The following UGT1A6 variants were observed in gnomAD, a reference collection of about 807,000 sequenced individuals.
UGT1A6 encodes UDP-glucuronosyltransferase 1A6.
In UGT1A6, 32 loss-of-function variants were observed where a neutral mutation model predicts 44.4. The ratio of observed to expected loss-of-function variants is 0.72; its 90% confidence interval spans 0.54 to 0.97. The LOEUF (loss-of-function observed/expected upper bound fraction) is 0.97. UGT1A6 is among the 50% of genes least tolerant of loss of function. The pLI is 0.00. For missense variants in UGT1A6, 685 were observed against 661.9 expected (o/e 1.03, Z -0.38); for synonymous variants, 238 against 248.5 (o/e 0.96, Z 0.40).
rs768704616 is a variant in UGT1A6 at position 233,772,137 on chromosome 2, T to G, written c.1302-125T>G. On this transcript the variant is annotated intron_variant, in intron 4 of 4. Transcript: ENST00000305139. Reference sequence around the variant, plus strand: ...CTAAAAACAACAACAACAACAATAATAGAAACAGGTTTCCTTTCCCAAGTT... The same window carrying G: ...CTAAAAACAACAACAACAACAATAAGAGAAACAGGTTTCCTTTCCCAAGTT... 6.0e-5 allele frequency: 93 copies of G among 1,547,684 alleles called. 1 individual carries two copies. The highest frequency in any genetic ancestry group is 4.6e-4 in the Middle Eastern group (2 of 4,368).
At chr2:233,700,602 C>G (rs2075575052) in intron 1 of UGT1A6, among the ~76,000 whole-genome samples, 1 of 151,936 alleles carries the variant, frequency 6.6e-6, no homozygotes, top group Non-Finnish European at 1.5e-5. Context: ...ACAATTCACT[C>G]TTTTTTTGGG....
At chr2:233,752,054 T>C (rs778755699) in intron 1 of UGT1A6, among the ~76,000 whole-genome samples, 4 of 152,312 alleles carry the variant, frequency 2.6e-5, no homozygotes, top group South Asian at 4.2e-4. Flanking sequence ...GTGTGAATGA[T>C]TTCCCGAGAT....
intron 1 of UGT1A6, among the ~76,000 whole-genome samples, chr2:233,704,300 A>G (rs2075779861): frequency 6.8e-6 from 1 of 146,016 alleles, no homozygotes; most frequent in Non-Finnish European, 1.5e-5. Flanking sequence ...CTAGTGCAAC[A>G]TGTAAAATCC....
intron 1 of UGT1A6, among the ~76,000 whole-genome samples, chr2:233,720,005 C>T (rs2076821394): frequency 6.6e-6 from 1 of 152,174 alleles, no homozygotes; most frequent in South Asian, 2.1e-4. Context: ...ACATTCAGAA[C>T]TGATCCATCC....
In UGT1A6 at chr2:233,769,571, G is replaced by A. The variant is rs1223462167; in HGVS notation, c.1301+1132G>A. On this transcript the variant is annotated intron_variant, in intron 4 of 4. Coordinates refer to ENST00000305139, the MANE Select transcript of UGT1A6 (RefSeq NM_001072.4). This position sits in a 1 kb window ranked among gnomAD's most constrained non-coding sequence, Gnocchi z 4.4. ...AGGAAGACAGATGTGAAGAGCTGGAGCATGTTCAGATGAGAGGAGACGGAA... is the reference window on the plus strand; with the variant it reads ...AGGAAGACAGATGTGAAGAGCTGGAACATGTTCAGATGAGAGGAGACGGAA... 1 of 1,612,768 alleles carries A rather than the reference G, an allele frequency of 6.2e-7. No homozygotes were observed. The highest frequency in any genetic ancestry group is 1.3e-5 in the African/African-American group (1 of 74,922).
intron 1 of UGT1A6, chr2:233,761,233 T>C: frequency 6.2e-7 from 1 of 1,613,114 alleles, no homozygotes; most frequent in Non-Finnish European, 8.5e-7. Context: ...CCCAGATATA[T>C]GCTGAGCAAG....
chr2:233,764,521 T>A (rs2126010678), intron 1 of UGT1A6, among the ~76,000 whole-genome samples: 1 of 152,314 alleles, frequency 6.6e-6, no homozygotes, highest in African/African-American at 2.4e-5. Context: ...GTGAATCACA[T>A]CCTGCTGATT....
At chr2:233,697,673 T>G (rs1297148810) in intron 1 of UGT1A6, among the ~76,000 whole-genome samples, 1 of 152,122 alleles carries the variant, frequency 6.6e-6, no homozygotes. Context: ...GGTTGTTTAT[T>G]CAAAATATTT....
rs28900368 is a variant in UGT1A6 at position 233,741,162 on chromosome 2, T to C, written c.862-25872T>C. ...CATTTATGACAGCACTAATCCAGGA[T>C]ATATCAAAACTGAACTTGTGTTTGC... On this transcript the variant is annotated intron_variant, in intron 1 of 4. Transcript: ENST00000305139. 1.4e-3 allele frequency among the ~76,000 whole-genome samples: 206 copies of C among 152,072 alleles called. 9 individuals are homozygous for C. The highest frequency in any genetic ancestry group is 4.8e-3 in the African/African-American group (198 of 41,316).
chr2:233,729,516 G>A, intron 1 of UGT1A6: 1 of 1,614,186 alleles, frequency 6.2e-7, no homozygotes, highest in Non-Finnish European at 8.5e-7. Flanking sequence ...CTTGTGTGGA[G>A]CTACTACATA....
chr2:233,770,293 A>G (rs1284543381), intron 4 of UGT1A6: 4 of 152,108 alleles, frequency 2.6e-5, no homozygotes, highest in African/African-American at 9.7e-5. Flanking sequence ...GAAGTGGAAA[A>G]TTTTCAAACA....
chr2:233,718,763 A>G (rs2076681520), intron 1 of UGT1A6: 3 of 1,612,572 alleles, frequency 1.9e-6, no homozygotes, highest in Non-Finnish European at 1.7e-6. Flanking sequence ...GGCGAAGGAA[A>G]CAAATGTAGC....
At position 233,701,657 on chromosome 2, in the gene UGT1A6, G is replaced by A. The variant is rs1037742895; in HGVS notation, c.861+7792G>A. On this transcript the variant is annotated intron_variant, in intron 1 of 4. Coordinates refer to ENST00000305139, the MANE Select transcript of UGT1A6 (RefSeq NM_001072.4). ...ATAGCAAACTGTCTCTCAGACCACA[G>A]TGCAATCAAACTAGAACTCAGAATT... Among the ~76,000 whole-genome samples, 7 of 152,304 alleles carry A rather than the reference G, an allele frequency of 4.6e-5. No individual in the cohort carries two copies. The East Asian group carries it at 9.6e-4, about 21-fold the overall frequency.
rs180748838 is a variant in UGT1A6, at chr2:233,756,669, G to A, written c.862-10365G>A. ...AACATGGGATGCAGTGATTATTTCC[G>A]CTAGAACTGCTATATAATGACGATG... On this transcript the variant is annotated intron_variant, in intron 1 of 4. Transcript: ENST00000305139. 6.9e-4 allele frequency among the ~76,000 whole-genome samples: 105 copies of A among 152,198 alleles called. No homozygotes were observed. In the South Asian group the frequency reaches 9.1e-3, roughly 13 times the overall value.
Position 233,748,846 on chromosome 2 carries a change from G to A in UGT1A6, c.862-18188G>A, listed in dbSNP as rs117649476. ...CTAGGGAGGAGATAAAACTGTGAGC[G>A]TATAAGCCCAGTTAAGCTGGGGACG... On this transcript the variant is annotated intron_variant, in intron 1 of 4. Transcript: ENST00000305139. Among the ~76,000 whole-genome samples, 30 of 151,478 alleles carry A rather than the reference G, an allele frequency of 2.0e-4. 1 individual carries two copies. The East Asian group carries it at 5.4e-3, about 27-fold the overall frequency.
chr2:233,700,896 C>T (rs1024170878), intron 1 of UGT1A6, among the ~76,000 whole-genome samples: 2 of 151,952 alleles, frequency 1.3e-5, no homozygotes, highest in African/African-American at 4.8e-5. Flanking sequence ...CAACAGTCCC[C>T]GGTGTGTGAC....
chr2:233,733,823 A>G (rs1027211154), intron 1 of UGT1A6, among the ~76,000 whole-genome samples: 1 of 152,166 alleles, frequency 6.6e-6, no homozygotes. Context: ...GCCTCATAAA[A>G]TGAGTTAGGG....
chr2:233,724,364 G>T (rs1172748596), intron 1 of UGT1A6, among the ~76,000 whole-genome samples: 6 of 145,700 alleles, frequency 4.1e-5, no homozygotes, highest in South Asian at 4.7e-4. Context: ...CCTCCCGGAC[G>T]GGGTGGCTGC....
At chr2:233,709,349 A>C (rs1242189375) in intron 1 of UGT1A6, among the ~76,000 whole-genome samples, 3 of 152,182 alleles carry the variant, frequency 2.0e-5, no homozygotes. Flanking sequence ...TAAACCTATT[A>C]CTATATAGAT....
Sources: allele counts gnomAD v4.1 joint callset (sites outside exome capture counted in the v4.1 genomes callset), GRCh38; gene constraint gnomAD v4.1.1; non-coding constraint Gnocchi (gnomAD v3.1); transcripts MANE v1.5; gene names NCBI Gene and HGNC (gene_info 2026-07-23, HGNC 2026-07-21).